SMIM14: variants seen among roughly 807,000 people sequenced by gnomAD.
SMIM14 encodes chromosome 4 open reading frame 34.
Under a neutral mutation model 12.6 loss-of-function variants are expected in SMIM14, and 5 were observed. The observed-to-expected ratio is 0.40, with a 90% confidence interval of 0.21 to 0.83. The LOEUF (loss-of-function observed/expected upper bound fraction) is 0.83, where lower values mean the gene tolerates loss of function less well. SMIM14 is among the 40% of genes least tolerant of loss of function. SMIM14 has a pLI of 0.37. For synonymous variants in SMIM14, 30 were observed against 40.1 expected (o/e 0.75, Z 0.95); for missense variants, 86 against 119.1 (o/e 0.72, Z 1.29).
intron 2 of SMIM14, among the ~76,000 whole-genome samples, chr4:39,583,092 G>A (rs779490568): frequency 1.3e-4 from 20 of 151,750 alleles, no homozygotes; most frequent in East Asian, 5.8e-4. Context: ...GCATCCAGCC[G>A]TTTTGTTTTT....
chr4:39,576,194 CTT>C (rs758589176), intron 2 of SMIM14, among the ~76,000 whole-genome samples: 1 of 144,428 alleles, frequency 6.9e-6, no homozygotes, highest in Non-Finnish European at 1.5e-5. Context: ...CATGCTTGGT[CTT>C]TTTTTTTTTT....
At chr4:39,585,573 A>C (rs955766838) in intron 2 of SMIM14, among the ~76,000 whole-genome samples, 3 of 152,140 alleles carry the variant, frequency 2.0e-5, no homozygotes, top group African/African-American at 7.2e-5. Context: ...CTGGGATTAC[A>C]GGCATGAGCC....
chr4:39,607,278 A>G (rs1714850107), intron 1 of SMIM14, among the ~76,000 whole-genome samples: 1 of 152,256 alleles, frequency 6.6e-6, no homozygotes, highest in African/African-American at 2.4e-5. Flanking sequence ...TTGTTTATCA[A>G]TTATATCTCA....
At chr4:39,638,314 T>A (rs1716182076) in intron 1 of SMIM14, 1 of 297,544 alleles carries the variant, frequency 3.4e-6, no homozygotes, top group Admixed American at 6.5e-5. Flanking sequence ...TCCTAGTGAC[T>A]TCACCGTACC....
At chr4:39,619,876 A>ATATATATTTTTT (rs71192884) in intron 1 of SMIM14, among the ~76,000 whole-genome samples, 1 of 115,852 alleles carries the variant, frequency 8.6e-6, no homozygotes, top group African/African-American at 3.4e-5. Context: ...ATATATATAT[A>ATATATATTTTTT]TTTTTTTTTT....
chr4:39,620,129 C>G (rs1715425206), intron 1 of SMIM14, among the ~76,000 whole-genome samples: 1 of 149,812 alleles, frequency 6.7e-6, no homozygotes, highest in African/African-American at 2.5e-5. Flanking sequence ...CTGCTTGAGC[C>G]CAAGAGTTCA....
At chr4:39,621,223 G>C (rs1474233780) in intron 1 of SMIM14, 1 of 151,986 alleles carries the variant, frequency 6.6e-6, no homozygotes, top group Non-Finnish European at 1.5e-5. Flanking sequence ...TTAAAGTACA[G>C]AGAGAAAACA....
chr4:39,609,303 G>A (rs1175935534), intron 1 of SMIM14, among the ~76,000 whole-genome samples: 2 of 152,088 alleles, frequency 1.3e-5, no homozygotes, highest in Non-Finnish European at 2.9e-5. Flanking sequence ...TTAAACGGGT[G>A]CATTGTATGG....
chr4:39,569,317 T>A (rs1445486664), intron 3 of SMIM14, among the ~76,000 whole-genome samples: 3 of 152,212 alleles, frequency 2.0e-5, no homozygotes, highest in Admixed American at 6.5e-5. Flanking sequence ...TTCTCTAAGC[T>A]GTTATATCTG....
At chr4:39,638,663 G>A in intron 1 of SMIM14, 76 bp downstream of exon 1, 2 of 981,102 alleles carry the variant, frequency 2.0e-6, no homozygotes, top group Non-Finnish European at 2.4e-6. Flanking sequence ...CCGAGAGCCT[G>A]AGGAGCCCCC....
At position 39,556,613 on chromosome 4, in the gene SMIM14, A is replaced by C. The variant is rs754160216; in HGVS notation, c.125-43T>G. ...ATGTAGCATGCTCACAATATTGTTA[A>C]AAGTAAAAACAAATTCTAATGTTTA... On this transcript the variant is annotated intron_variant, in intron 3 of 4. Transcript: ENST00000295958. 3.3e-4 allele frequency: 506 copies of C among 1,517,406 alleles called. 1 individual carries two copies. Among genetic ancestry groups the C allele is most frequent in the Non-Finnish European group, 4.0e-4 (449 of 1,133,394 alleles). 94.0% of individuals were successfully genotyped at this position (1,517,406 alleles called of 1,614,324 possible).
chr4:39,567,783 T>C (rs1483732560), intron 3 of SMIM14, among the ~76,000 whole-genome samples: 1 of 152,048 alleles, frequency 6.6e-6, no homozygotes, highest in East Asian at 1.9e-4. Flanking sequence ...TGTATGCTCC[T>C]GTAGTCCCAG....
Position 39,575,081 on chromosome 4 carries a change from T to G in SMIM14, c.76-2618A>C, listed in dbSNP as rs868562543. ...GTTTTAATAAGAACGAGAAAATAGT[T>G]TTTTTTTTTTTTTTTTTTGAGACAG... On this transcript the variant is annotated intron_variant, in intron 2 of 4. Coordinates refer to ENST00000295958, the MANE Select transcript of SMIM14 (RefSeq NM_174921.3). 5.1e-3 allele frequency among the ~76,000 whole-genome samples: 716 copies of G among 140,520 alleles called. 7 individuals carry two copies. The highest frequency in any genetic ancestry group is 0.019 in the African/African-American group (664 of 35,640). The allele number at this position is 140,520 out of a possible 152,430, so 92.2% of individuals were successfully genotyped here. A position where few individuals can be genotyped will look rare whatever the true frequency, so the allele number is the denominator to read the frequency against.
At chr4:39,600,180 T>G (rs1365724263) in intron 2 of SMIM14, among the ~76,000 whole-genome samples, 1 of 152,044 alleles carries the variant, frequency 6.6e-6, no homozygotes, top group Non-Finnish European at 1.5e-5. Context: ...TTTTGACAAC[T>G]TACCCTCCCT....
At chr4:39,561,973 T>G (rs1712333241) in intron 3 of SMIM14, among the ~76,000 whole-genome samples, 1 of 151,778 alleles carries the variant, frequency 6.6e-6, no homozygotes, top group Non-Finnish European at 1.5e-5. Flanking sequence ...ACTTCTTTTT[T>G]AGAATCTCAC....
At chr4:39,559,555 G>C (rs1310900978) in intron 3 of SMIM14, among the ~76,000 whole-genome samples, 1 of 152,116 alleles carries the variant, frequency 6.6e-6, no homozygotes. Flanking sequence ...ATCCAGATAA[G>C]ATGTTGAAAC....
At chr4:39,578,544 G>T (rs1713321309) in intron 2 of SMIM14, among the ~76,000 whole-genome samples, 1 of 152,138 alleles carries the variant, frequency 6.6e-6, no homozygotes, top group Non-Finnish European at 1.5e-5. Flanking sequence ...AGTAATGTGG[G>T]GATGGGTGCC....
intron 2 of SMIM14, among the ~76,000 whole-genome samples, chr4:39,598,907 A>C (rs1378457307): frequency 6.9e-6 from 1 of 145,178 alleles, no homozygotes; most frequent in African/African-American, 2.6e-5. Context: ...CACAGCTGCC[A>C]CCCTGGGATG....
At chr4:39,638,697 G>A (rs1348110611) in intron 1 of SMIM14, 42 bp downstream of exon 1, 3 of 985,240 alleles carry the variant, frequency 3.0e-6, no homozygotes, top group African/African-American at 1.7e-5. Context: ...GCGAGGGGAG[G>A]GTGAGCCAGC....
Sources: gnomAD v4.1 joint callset for allele counts (sites outside exome capture counted in the v4.1 genomes callset) on GRCh38, gnomAD v4.1.1 for gene constraint, MANE v1.5 for transcripts, NCBI Gene and HGNC (gene_info 2026-07-23, HGNC 2026-07-21) for gene names.